Variants in ATP13A3 observed in about 807,000 individuals in gnomAD.
The protein encoded by ATP13A3 is ATPase 13A3.
Under a neutral mutation model 158.1 loss-of-function variants are expected in ATP13A3, and 59 were observed. That is an observed-to-expected ratio of 0.37 (90% confidence interval 0.30 to 0.46). The LOEUF is 0.46. Ranked by LOEUF, ATP13A3 falls within the 20% of genes least tolerant of loss-of-function variation. The pLI is 1.00. For synonymous variants in ATP13A3, 491 were observed against 504.3 expected (o/e 0.97, Z 0.35); for missense variants, 1,166 against 1,525.2 (o/e 0.76, Z 3.92).
At chr3:194,414,676 C>A (rs760791162) in intron 31 of ATP13A3, among the ~76,000 whole-genome samples, 1 of 151,880 alleles carries the variant, frequency 6.6e-6, no homozygotes, top group African/African-American at 2.4e-5. Context: ...TGGCTGGCTA[C>A]GGAAAGAGGA....
rs1167949415 is a variant in ATP13A3, at chr3:194,448,132, C to A, written c.1151-123G>T. 3 of 972,298 alleles carry A rather than the reference C, an allele frequency of 3.1e-6. No individual in the cohort carries two copies. The highest frequency in any genetic ancestry group is 4.6e-6 in the Non-Finnish European group (3 of 647,108). 60.2% of individuals were successfully genotyped at this position (972,298 alleles called of 1,614,324 possible). On this transcript the variant is annotated intron_variant, in intron 12 of 33. Coordinates refer to ENST00000645319, the MANE Select transcript of ATP13A3 (RefSeq NM_001367549.1). This position sits in a 1 kb window ranked among gnomAD's most constrained non-coding sequence, Gnocchi z 4.0. ...TCGCTCTGTCACCCAGGCTGGAGTA[C>A]AGTGGTGTGATCTCGACTCACTGCA...
chr3:194,410,937 G>GGGGGGT (rs1359615208), intron 33 of ATP13A3, among the ~76,000 whole-genome samples: 16 of 127,230 alleles, frequency 1.3e-4, no homozygotes, highest in Admixed American at 4.0e-4. Flanking sequence ...GGGGTGTTGG[G>GGGGGGT]GTGTGTGTGT....
chr3:194,418,083 C>T (rs566468794), intron 31 of ATP13A3, among the ~76,000 whole-genome samples: 1 of 152,030 alleles, frequency 6.6e-6, no homozygotes, highest in Admixed American at 6.5e-5. Context: ...ACAAAGGTAT[C>T]ACTGAATATC....
upstream of ATP13A3, among the ~76,000 whole-genome samples, chr3:194,489,148 C>T (rs1470356436): frequency 2.6e-5 from 4 of 152,208 alleles, no homozygotes; most frequent in Non-Finnish European, 4.4e-5. This position sits in a 1 kb window ranked among gnomAD's most constrained non-coding sequence, Gnocchi z 4.1. Context: ...TAATAAGCCT[C>T]AAATTCCTAT....
chr3:194,429,856 T>C (rs1480420756), intron 26 of ATP13A3, 82 bp from the exon 27 acceptor site: 3 of 1,264,036 alleles, frequency 2.4e-6, no homozygotes, highest in Non-Finnish European at 3.4e-6. Context: ...TCTTGACAGA[T>C]GAACATCAAC....
intron 2 of ATP13A3, among the ~76,000 whole-genome samples, chr3:194,477,408 G>A (rs1720572487): frequency 6.6e-6 from 1 of 152,094 alleles, no homozygotes; most frequent in South Asian, 2.1e-4. Flanking sequence ...TTCTTTTTGT[G>A]GGCAAAATTT....
intron 33 of ATP13A3, among the ~76,000 whole-genome samples, chr3:194,409,732 A>G (rs78016244): frequency 0.13 from 15,554 of 121,400 alleles, 1,390 homozygotes; most frequent in African/African-American, 0.28. Context: ...GTCAGAGAGT[A>G]AGTATTAACA....
chr3:194,438,820 A>G, intron 17 of ATP13A3, 36 bp downstream of exon 17: 1 of 1,317,066 alleles, frequency 7.6e-7, no homozygotes. Context: ...ATAAGTAACC[A>G]CCAACAGTTT....
chr3:194,429,171 G>A (rs1717032852), intron 27 of ATP13A3, among the ~76,000 whole-genome samples: 1 of 152,158 alleles, frequency 6.6e-6, no homozygotes, highest in African/African-American at 2.4e-5. Flanking sequence ...ACTCACACCT[G>A]TAATCCCAGC....
At chr3:194,453,594 C>G (rs1373316002) in intron 10 of ATP13A3, 112 bp downstream of exon 10, 2 of 782,566 alleles carry the variant, frequency 2.6e-6, no homozygotes, top group Non-Finnish European at 4.1e-6. Flanking sequence ...GACACTGACT[C>G]AATCAATCAA....
intron 2 of ATP13A3, among the ~76,000 whole-genome samples, chr3:194,476,413 C>CA (rs1424041664): frequency 2.0e-5 from 3 of 152,104 alleles, no homozygotes; most frequent in African/African-American, 4.8e-5. Context: ...CTCTTTCTTC[C>CA]AAAAAATCTG....
intron 8 of ATP13A3, among the ~76,000 whole-genome samples, chr3:194,454,624 C>CG (rs11434448): frequency 0.42 from 63,463 of 151,432 alleles, 13,412 homozygotes; most frequent in Admixed American, 0.51. Flanking sequence ...GTCAGGAGAT[C>CG]AAAACATCCT....
At chr3:194,465,119 A>G (rs1371880660) in intron 2 of ATP13A3, among the ~76,000 whole-genome samples, 1 of 152,216 alleles carries the variant, frequency 6.6e-6, no homozygotes, top group Non-Finnish European at 1.5e-5. Flanking sequence ...GACATCAGGC[A>G]ATGAAGAAAA....
At position 194,448,387 on chromosome 3, in the gene ATP13A3, T is replaced by G; in HGVS notation, c.1150+70A>C. The stretch of plus-strand genomic sequence containing the variant: ...GCCACAGCACCCAGCCCAGAATCTC[T>G]TTTTAAACATTTAGTAGGTATCAAA... On this transcript the variant is annotated intron_variant, in intron 12 of 33. Transcript: ENST00000645319. This position sits in a 1 kb window ranked among gnomAD's most constrained non-coding sequence, Gnocchi z 4.0. 6 of 1,553,012 alleles carry G rather than the reference T, an allele frequency of 3.9e-6. No homozygotes were observed. Among genetic ancestry groups the G allele is most frequent in the Non-Finnish European group, 5.3e-6 (6 of 1,131,416 alleles).
intron 10 of ATP13A3, chr3:194,451,002 G>C (rs1377746704): frequency 6.6e-6 from 1 of 152,048 alleles, no homozygotes; most frequent in Non-Finnish European, 1.5e-5. Flanking sequence ...TTATATGTAG[G>C]TATTCTCTCT....
In ATP13A3 at chr3:194,428,231, A is replaced by AAAAAAAAAAAAAAAG. The variant is rs557252872; in HGVS notation, c.2947+613_2947+614insCTTTTTTTTTTTTTT. ...GACAGACTCTGTCTCAAAAAAAAAA[A>AAAAAAAAAAAAAAAG]AAAAAAGAAAAAAAGAAATTTCTAT... On this transcript the variant is annotated intron_variant, in intron 28 of 33. Transcript: ENST00000645319. Among the ~76,000 whole-genome samples the AAAAAAAAAAAAAAAG allele has an allele frequency of 1.7e-3, 240 of 141,756 alleles. 4 individuals carry two copies. The highest frequency in any genetic ancestry group is 5.6e-3 in the African/African-American group (200 of 35,738). The allele number at this position is 141,756 out of a possible 152,430, so 93.0% of individuals were successfully genotyped here.
At position 194,404,207 on chromosome 3, in the gene ATP13A3, T is replaced by A; in HGVS notation, c.*1712A>T. ...ATGCATAGCTTCATAGAATCATTCA[T>A]GGAACAACTGTTATCATCTAATGTG... On this transcript the variant is annotated 3_prime_UTR_variant, in exon 34 of 34. Coordinates refer to ENST00000645319, the MANE Select transcript of ATP13A3 (RefSeq NM_001367549.1). The A allele has an allele frequency of 2.4e-6, 1 of 419,458 alleles. No individual in the cohort carries two copies. The highest frequency in any genetic ancestry group is 1.7e-5 in the South Asian group (1 of 57,842). 26.0% of individuals were successfully genotyped at this position (419,458 alleles called of 1,614,324 possible).
At chr3:194,457,045 T>G in intron 7 of ATP13A3, 49 bp downstream of exon 7, 1 of 1,409,092 alleles carries the variant, frequency 7.1e-7, no homozygotes, top group East Asian at 2.3e-5. Flanking sequence ...TGTATACTAC[T>G]GCTTTTAGGA....
chr3:194,406,132 AAAAAC>A lies in ATP13A3; in HGVS notation c.3574-21_3574-17del, dbSNP rs368415563. 5.0e-6 allele frequency: 8 copies of A among 1,613,338 alleles called. No homozygotes were observed. Among genetic ancestry groups the A allele is most frequent in the African/African-American group, 2.7e-5 (2 of 74,912 alleles). On this transcript the variant is annotated splice_polypyrimidine_tract_variant and intron_variant, in intron 33 of 33. Transcript: ENST00000645319. ...CCACTGACTCCTAAGAAAATAAGAA[AAAAAC>A]AAAACAAAACACCCCAGTTGATTAA... is the stretch of plus-strand genomic sequence containing the variant.
Sources: allele counts gnomAD v4.1 joint callset (sites outside exome capture counted in the v4.1 genomes callset), GRCh38; gene constraint gnomAD v4.1.1; non-coding constraint Gnocchi (gnomAD v3.1); transcripts MANE v1.5; gene names NCBI Gene and HGNC (gene_info 2026-07-23, HGNC 2026-07-21).